KDM4C: variants seen among roughly 807,000 people sequenced by gnomAD.
KDM4C encodes lysine demethylase 4C, also known as lysine-specific demethylase 4C.
Under a neutral mutation model 129.3 loss-of-function variants are expected in KDM4C, and 81 were observed. The observed-to-expected ratio is 0.63, with a 90% CI of 0.52 to 0.75. The LOEUF is 0.75. Ranked by LOEUF, KDM4C falls within the 30% of genes least tolerant of loss-of-function variation. The pLI, the probability that KDM4C is intolerant of heterozygous loss-of-function variation, is 0.00. For synonymous variants in KDM4C, 573 were observed against 456.1 expected, an observed-to-expected ratio of 1.26 and a Z score of -3.26; for missense variants, 1,457 against 1,304.0, an observed-to-expected ratio of 1.12 and a Z score of -1.81.
chr9:6,770,767 C>CTTTTTT (rs753670348), intron 1 of KDM4C, among the ~76,000 whole-genome samples: 4 of 81,764 alleles, frequency 4.9e-5, no homozygotes, highest in Non-Finnish European at 7.4e-5. Context: ...GATTTTGATC[C>CTTTTTT]TTTTTTTTTT....
chr9:6,807,551 A>G (rs984307200), intron 3 of KDM4C, among the ~76,000 whole-genome samples: 3 of 147,776 alleles, frequency 2.0e-5, no homozygotes, highest in Non-Finnish European at 4.5e-5. Context: ...CTGGGATGTG[A>G]GGAGCGCCTC....
At chr9:7,165,096 CT>C (rs1844237058) in intron 19 of KDM4C, 141 bp from the exon 20 acceptor site, 1 of 967,736 alleles carries the variant, frequency 1.0e-6, no homozygotes, top group Non-Finnish European at 1.5e-6. Flanking sequence ...ATCTCTTCCC[CT>C]GAACACCCAT....
chr9:6,816,911 T>G (rs1832209881), intron 4 of KDM4C, among the ~76,000 whole-genome samples: 1 of 152,074 alleles, frequency 6.6e-6, no homozygotes, highest in South Asian at 2.1e-4. Context: ...GGTTTATACT[T>G]CTTTATATAT....
chr9:7,058,254 T>G (rs538121626), intron 17 of KDM4C, among the ~76,000 whole-genome samples: 1 of 118,210 alleles, frequency 8.5e-6, no homozygotes, highest in South Asian at 3.0e-4. Context: ...TCTCAAAATG[T>G]GATCAGCATA....
intron 8 of KDM4C, among the ~76,000 whole-genome samples, chr9:6,922,351 C>G (rs774501391): frequency 2.6e-5 from 4 of 152,234 alleles, no homozygotes; most frequent in African/African-American, 9.6e-5. Flanking sequence ...GAAAGCCACC[C>G]TGTTGCAAGA....
chr9:6,805,552 T>G (rs767251937), intron 2 of KDM4C, 47 bp from the exon 3 acceptor site: 1 of 1,377,872 alleles, frequency 7.3e-7, no homozygotes, highest in Non-Finnish European at 1.0e-6. Context: ...GCTAAATTAC[T>G]TGGAGTATTT....
intron 5 of KDM4C, among the ~76,000 whole-genome samples, chr9:6,868,327 T>A (rs919213877): frequency 1.3e-5 from 2 of 152,068 alleles, no homozygotes; most frequent in African/African-American, 4.8e-5. Context: ...TATCCTCACG[T>A]GAAGAGAGTT....
chr9:6,989,274 C>T (rs1342294230), intron 11 of KDM4C, among the ~76,000 whole-genome samples: 4 of 152,102 alleles, frequency 2.6e-5, no homozygotes, highest in Non-Finnish European at 2.9e-5. Context: ...CTATATCTGG[C>T]CACTGCTTCT....
chr9:6,944,652 G>GTTTTTTTGTTT (rs1826560786), intron 8 of KDM4C, among the ~76,000 whole-genome samples: 2 of 80,992 alleles, frequency 2.5e-5, no homozygotes, highest in Non-Finnish European at 4.5e-5. Context: ...CAAGGTAGAG[G>GTTTTTTTGTTT]TTTTTTTTTT....
chr9:6,780,884 T>C (rs188453178), intron 1 of KDM4C, among the ~76,000 whole-genome samples: 37 of 151,948 alleles, frequency 2.4e-4, no homozygotes, highest in African/African-American at 8.9e-4. Context: ...TCTTCAGGCA[T>C]TGAGCTCATG....
intron 18 of KDM4C, among the ~76,000 whole-genome samples, chr9:7,127,306 G>A (rs1008260136): frequency 2.6e-5 from 4 of 152,166 alleles, no homozygotes; most frequent in Non-Finnish European, 2.9e-5. Context: ...TAGTAATTAA[G>A]TGGAGAAATT....
intron 6 of KDM4C, among the ~76,000 whole-genome samples, chr9:6,881,446 T>G (rs1844442169): frequency 6.6e-6 from 1 of 152,194 alleles, no homozygotes; most frequent in Non-Finnish European, 1.5e-5. Context: ...CTGTAACACT[T>G]AACTACGTAG....
chr9:6,870,267 AG>A (rs1328432256), intron 5 of KDM4C, among the ~76,000 whole-genome samples: 2 of 151,888 alleles, frequency 1.3e-5, no homozygotes, highest in African/African-American at 2.4e-5. Flanking sequence ...GTTCATTGTA[AG>A]GGGGGTTTTT....
intron 12 of KDM4C, among the ~76,000 whole-genome samples, chr9:6,991,600 T>C (rs908692785): frequency 1.3e-5 from 2 of 152,210 alleles, no homozygotes; most frequent in African/African-American, 4.8e-5. Flanking sequence ...CCTAAGGTCA[T>C]GTGTCTGTGA....
chr9:6,734,484 G>C (rs1289503568), intron 1 of KDM4C: 2 of 170,124 alleles, frequency 1.2e-5, no homozygotes, highest in East Asian at 3.6e-4. Flanking sequence ...AGTAGAGACA[G>C]GGTTTCTCCA....
intron 1 of KDM4C, among the ~76,000 whole-genome samples, chr9:6,784,581 T>C (rs1825072368): frequency 6.6e-6 from 1 of 152,154 alleles, no homozygotes; most frequent in Non-Finnish European, 1.5e-5. Flanking sequence ...ATCCTTTTGG[T>C]CTAGGATCCA....
chr9:6,742,652 C>G (rs1817739929), intron 1 of KDM4C, among the ~76,000 whole-genome samples: 1 of 143,012 alleles, frequency 7.0e-6, no homozygotes, highest in African/African-American at 2.7e-5. Context: ...ACAGATTCCT[C>G]AGGCTCCTTT....
intron 19 of KDM4C, among the ~76,000 whole-genome samples, chr9:7,152,516 G>A (rs1842817395): frequency 6.6e-6 from 1 of 152,328 alleles, no homozygotes; most frequent in Non-Finnish European, 1.5e-5. Flanking sequence ...GAGACAGAAA[G>A]GAGAATGGTG....
chr9:6,750,189 C>G (rs986298701), intron 1 of KDM4C, among the ~76,000 whole-genome samples: 2 of 151,604 alleles, frequency 1.3e-5, no homozygotes, highest in Non-Finnish European at 2.9e-5. Context: ...ATCTGTAATC[C>G]CAGCACTTTG....
Sources: allele counts gnomAD v4.1 joint callset (sites outside exome capture counted in the v4.1 genomes callset), GRCh38; gene constraint gnomAD v4.1.1; transcripts MANE v1.5; gene names NCBI Gene and HGNC (gene_info 2026-07-23, HGNC 2026-07-21).